The following DNAH7 variants were observed in gnomAD, a reference collection of about 807,000 sequenced individuals.
The protein encoded by DNAH7 is axonemal beta dynein heavy chain 7.
In DNAH7, 397 loss-of-function variants were observed where a neutral mutation model predicts 444.6. The ratio of observed to expected loss-of-function variants is 0.89; its 90% CI spans 0.82 to 0.97. The LOEUF (loss-of-function observed/expected upper bound fraction) is 0.97, where lower values mean the gene tolerates loss of function less well. Among genes scored for constraint, DNAH7 ranks in the 50% least tolerant of loss-of-function variants. DNAH7 has a pLI of 0.00. For synonymous variants in DNAH7, 1,636 were observed against 1,624.4 expected, an observed-to-expected ratio of 1.01 and a Z score of -0.17; for missense variants, 4,902 against 4,800.8, an observed-to-expected ratio of 1.02 and a Z score of -0.62.
At chr2:195,944,480 A>G (rs1689667582) in intron 19 of DNAH7, among the ~76,000 whole-genome samples, 1 of 152,170 alleles carries the variant, frequency 6.6e-6, no homozygotes, top group Non-Finnish European at 1.5e-5. Flanking sequence ...GCACCATTAC[A>G]ATATATTGCC....
chr2:195,831,890 C>T (rs1698092175), intron 48 of DNAH7, among the ~76,000 whole-genome samples: 1 of 152,158 alleles, frequency 6.6e-6, no homozygotes, highest in African/African-American at 2.4e-5. Context: ...GGGTAGTTAA[C>T]TACCTTGGTT....
intron 5 of DNAH7, among the ~76,000 whole-genome samples, chr2:196,040,020 G>C (rs1407759710): frequency 6.6e-6 from 1 of 151,890 alleles, no homozygotes; most frequent in African/African-American, 2.4e-5. Flanking sequence ...TAATGAGATT[G>C]AATCAGTAAC....
rs750663108 is a variant in DNAH7 at position 195,787,027 on chromosome 2, A to C, written c.10861T>G (p.Phe3621Val). The change falls in exon 58 of 65, where the codon TTC becomes GTC. Residue 3621 changes from phenylalanine (F) to valine (V), a missense_variant. Physicochemically the swap from Phe to Val is conservative, Grantham distance 50. Transcript: ENST00000312428. The part of the protein sequence containing the change: ...LRISVQQLHM[F>V]LNQYEELPYE... ...TATGATACCTCATACTGGTTCAGGA[A>C]CATGTGGAGCTGCTGTACGCTGATT... 4 of 1,595,194 alleles carry C rather than the reference A, an allele frequency of 2.5e-6. No homozygotes were observed. The highest frequency in any genetic ancestry group is 1.4e-5 in the African/African-American group (1 of 73,946).
At chr2:195,882,974 C>G (rs1023161894) in intron 35 of DNAH7, among the ~76,000 whole-genome samples, 3 of 152,100 alleles carry the variant, frequency 2.0e-5, no homozygotes, top group African/African-American at 7.2e-5. Flanking sequence ...TCTTCAGGTA[C>G]AAGGCTGTGC....
intron 1 of DNAH7, among the ~76,000 whole-genome samples, chr2:196,066,829 T>C (rs1698453710): frequency 6.6e-6 from 1 of 152,188 alleles, no homozygotes; most frequent in Non-Finnish European, 1.5e-5. Flanking sequence ...ACATAAAAAA[T>C]GGCATTTCCA....
intron 60 of DNAH7, among the ~76,000 whole-genome samples, chr2:195,772,609 T>A (rs1412448341): frequency 6.6e-6 from 1 of 152,192 alleles, no homozygotes; most frequent in Non-Finnish European, 1.5e-5. Context: ...AGAACATAAA[T>A]AAATACATCT....
At chr2:195,870,233 A>T (rs925864979) in intron 40 of DNAH7, among the ~76,000 whole-genome samples, 2 of 152,234 alleles carry the variant, frequency 1.3e-5, no homozygotes, top group African/African-American at 4.8e-5. Context: ...CTATTATTGC[A>T]AAGACAATAA....
chr2:196,031,411 C>T (rs1335710375), intron 5 of DNAH7, among the ~76,000 whole-genome samples: 2 of 152,190 alleles, frequency 1.3e-5, no homozygotes, highest in Non-Finnish European at 2.9e-5. Flanking sequence ...AAATATTTTT[C>T]CCATTGTCTT....
intron 12 of DNAH7, among the ~76,000 whole-genome samples, chr2:195,990,235 T>C (rs1464883379): frequency 6.6e-6 from 1 of 152,162 alleles, no homozygotes. Flanking sequence ...TTTAATCCGC[T>C]TTGAGGTGAT....
At chr2:195,974,559 G>A (rs1484178031) in intron 15 of DNAH7, among the ~76,000 whole-genome samples, 1 of 151,994 alleles carries the variant, frequency 6.6e-6, no homozygotes, top group Non-Finnish European at 1.5e-5. Context: ...ATAGCTAGGA[G>A]GATAAATAAA....
intron 60 of DNAH7, among the ~76,000 whole-genome samples, chr2:195,775,112 C>A (rs1695003753): frequency 6.6e-6 from 1 of 152,184 alleles, no homozygotes; most frequent in Admixed American, 6.5e-5. Context: ...CTCTTTACCT[C>A]TGAATTGTGA....
chr2:195,833,505 G>A (rs975955494), intron 48 of DNAH7, among the ~76,000 whole-genome samples: 1 of 152,196 alleles, frequency 6.6e-6, no homozygotes, highest in Non-Finnish European at 1.5e-5. Context: ...TAAATAGATT[G>A]TAGTTTCATA....
rs908829634 is a variant in DNAH7 at position 195,861,451 on chromosome 2, C to T, written c.7736+266G>A. Among the ~76,000 whole-genome samples, 135 of 152,264 alleles carry T rather than the reference C, an allele frequency of 8.9e-4. 1 individual carries two copies. The highest frequency in any genetic ancestry group is 3.2e-3 in the African/African-American group (133 of 41,560). ...AAAAATCACTCTCTACTAGTGTTTA[C>T]TCAATATTCACAGCTCTGGTTGGAA... On this transcript the variant is annotated intron_variant, in intron 42 of 64. Coordinates refer to ENST00000312428, the MANE Select transcript of DNAH7 (RefSeq NM_018897.3).
In DNAH7 at chr2:195,966,856, T is replaced by C. The variant is rs529768406; in HGVS notation, c.2205+3092A>G. On this transcript the variant is annotated intron_variant, in intron 17 of 64. Transcript: ENST00000312428. ...TGACTTTATAGGTAAAGTGTGTTTC[T>C]TGAAGGCAACAGACCACTGGGTCTT... Among the ~76,000 whole-genome samples, 4 of 152,346 alleles carry C rather than the reference T, an allele frequency of 2.6e-5. No homozygotes were observed. The East Asian group carries it at 5.8e-4, about 22-fold the overall frequency.
intron 46 of DNAH7, among the ~76,000 whole-genome samples, chr2:195,847,979 T>A (rs1699112579): frequency 6.6e-6 from 1 of 152,128 alleles, no homozygotes; most frequent in Non-Finnish European, 1.5e-5. Context: ...GAAGTCAGTA[T>A]CCAAGTTGAG....
intron 31 of DNAH7, among the ~76,000 whole-genome samples, chr2:195,891,280 T>A (rs888211793): frequency 6.6e-6 from 1 of 152,210 alleles, no homozygotes; most frequent in Non-Finnish European, 1.5e-5. Flanking sequence ...TTAGCAGGCA[T>A]GACAATAGCA....
chr2:195,877,289 C>A (rs1701117903), intron 36 of DNAH7, among the ~76,000 whole-genome samples: 1 of 152,176 alleles, frequency 6.6e-6, no homozygotes, highest in Non-Finnish European at 1.5e-5. Flanking sequence ...GTATAGGGCA[C>A]AATCCCTTGC....
intron 47 of DNAH7, among the ~76,000 whole-genome samples, chr2:195,840,096 CA>C: frequency 6.6e-6 from 1 of 151,694 alleles, no homozygotes; most frequent in East Asian, 1.9e-4. Flanking sequence ...AACATAAATG[CA>C]AAACTCTTCA....
At chr2:196,067,565 T>G (rs1221889572) in intron 1 of DNAH7, among the ~76,000 whole-genome samples, 1 of 152,184 alleles carries the variant, frequency 6.6e-6, no homozygotes, top group African/African-American at 2.4e-5. Context: ...AAATTATACT[T>G]ATTTTTTTAA....
Sources: allele counts gnomAD v4.1 joint callset (sites outside exome capture counted in the v4.1 genomes callset), GRCh38; gene constraint gnomAD v4.1.1; transcripts MANE v1.5; gene names NCBI Gene and HGNC (gene_info 2026-07-23, HGNC 2026-07-21).